The following NR2F1-AS1 variants were observed in gnomAD, a reference collection of about 807,000 sequenced individuals.
NR2F1-AS1 encodes the protein NR2F1 regulatory antisense RNA 1.
At chr5:93,507,330 TTTTTG>T (rs140764241) in intron 4 of NR2F1-AS1, among the ~76,000 whole-genome samples, 41,907 of 149,780 alleles carry the variant, frequency 0.28, 6,116 homozygotes, top group South Asian at 0.44. Context: ...TTTGGGGTTT[TTTTTG>T]TTTTGTTTTG....
chr5:93,499,976 G>A (rs2149885065), intron 4 of NR2F1-AS1, among the ~76,000 whole-genome samples: 1 of 152,274 alleles, frequency 6.6e-6, no homozygotes. Context: ...TGAAGAAGCT[G>A]CGAAAGAAAG....
At chr5:93,422,819 G>A (rs779216891) in intron 4 of NR2F1-AS1, among the ~76,000 whole-genome samples, 12 of 152,114 alleles carry the variant, frequency 7.9e-5, no homozygotes, top group Non-Finnish European at 1.8e-4. Flanking sequence ...ACATTTCAAA[G>A]GTCCTGGAAC....
chr5:93,409,378 T>C (rs1395380421), intron 4 of NR2F1-AS1: 1 of 152,232 alleles, frequency 6.6e-6, no homozygotes, highest in East Asian at 1.9e-4. Flanking sequence ...TCCAGTTTAT[T>C]TGGATACGTT....
chr5:93,445,954 T>A (rs562355088), intron 4 of NR2F1-AS1, among the ~76,000 whole-genome samples: 2 of 152,252 alleles, frequency 1.3e-5, no homozygotes, highest in African/African-American at 4.8e-5. Context: ...AAAAACCACA[T>A]GATTATCTCA....
At chr5:93,453,943 T>C (rs1039263730) in intron 4 of NR2F1-AS1, among the ~76,000 whole-genome samples, 14 of 152,206 alleles carry the variant, frequency 9.2e-5, no homozygotes, top group Non-Finnish European at 7.3e-5. Context: ...GGTAAATATG[T>C]GAGTAAAAAT....
At chr5:93,535,511 T>G (rs937565705) in intron 4 of NR2F1-AS1, among the ~76,000 whole-genome samples, 2 of 151,924 alleles carry the variant, frequency 1.3e-5, no homozygotes, top group South Asian at 4.1e-4. Context: ...AGAATAAGTC[T>G]GTAAGAAGCA....
intron 2 of NR2F1-AS1, among the ~76,000 whole-genome samples, chr5:93,559,618 C>G (rs1241821913): frequency 1.3e-5 from 2 of 152,172 alleles, no homozygotes; most frequent in African/African-American, 4.8e-5. Context: ...AGGTGTGACT[C>G]TTCCTTTCAC....
intron 4 of NR2F1-AS1, among the ~76,000 whole-genome samples, chr5:93,459,860 G>A (rs915615116): frequency 1.3e-5 from 2 of 152,066 alleles, no homozygotes; most frequent in African/African-American, 4.8e-5. Context: ...AGGTGAAAAG[G>A]GAATGTGGGA....
chr5:93,546,469 G>C (rs571037065), intron 4 of NR2F1-AS1, among the ~76,000 whole-genome samples: 1 of 152,028 alleles, frequency 6.6e-6, no homozygotes, highest in African/African-American at 2.4e-5. Flanking sequence ...GCAAGTCAGA[G>C]GGAAATGGTT....
chr5:93,478,742 C>T (rs1750539919), intron 4 of NR2F1-AS1, among the ~76,000 whole-genome samples: 4 of 152,134 alleles, frequency 2.6e-5, no homozygotes, highest in Admixed American at 2.0e-4. Context: ...ATAGGAAAAT[C>T]CTGTAGCATT....
intron 4 of NR2F1-AS1, chr5:93,544,041 G>C (rs970248217): frequency 3.3e-5 from 5 of 152,156 alleles, no homozygotes; most frequent in Admixed American, 3.3e-4. Context: ...AGCAAGAAAA[G>C]AGAAATGGGA....
intron 4 of NR2F1-AS1, among the ~76,000 whole-genome samples, chr5:93,413,509 G>T (rs1419303267): frequency 1.3e-5 from 2 of 152,114 alleles, no homozygotes; most frequent in Non-Finnish European, 2.9e-5. Flanking sequence ...ACTTCCACAT[G>T]GCCGGTGTGA....
intron 1 of NR2F1-AS1, among the ~76,000 whole-genome samples, chr5:93,572,093 C>T (rs2149928947): frequency 6.6e-6 from 1 of 152,330 alleles, no homozygotes; most frequent in East Asian, 1.9e-4. Context: ...GCAGGTAAAT[C>T]CCAATACGCC....
intron 4 of NR2F1-AS1, among the ~76,000 whole-genome samples, chr5:93,420,344 T>C (rs1749062460): frequency 6.6e-6 from 1 of 152,206 alleles, no homozygotes; most frequent in Admixed American, 6.5e-5. Context: ...CTAGCCCACT[T>C]ATTCACCCCA....
chr5:93,452,275 G>C (rs889095653), intron 4 of NR2F1-AS1, among the ~76,000 whole-genome samples: 5 of 152,158 alleles, frequency 3.3e-5, no homozygotes, highest in Non-Finnish European at 5.9e-5. Flanking sequence ...TATGAGAACT[G>C]CCTTCCAATC....
At chr5:93,527,020 T>C (rs534889624) in intron 4 of NR2F1-AS1, among the ~76,000 whole-genome samples, 6 of 152,138 alleles carry the variant, frequency 3.9e-5, no homozygotes, top group Admixed American at 3.9e-4. Context: ...GAGAAAGAAA[T>C]AAAGGGTATT....
At chr5:93,465,255 A>T (rs1750202295) in intron 4 of NR2F1-AS1, among the ~76,000 whole-genome samples, 1 of 152,248 alleles carries the variant, frequency 6.6e-6, no homozygotes, top group South Asian at 2.1e-4. Context: ...CCCATTAAAA[A>T]GTGGGCAAAG....
chr5:93,583,297 T>TC (rs1561522168), upstream of NR2F1-AS1: 25 of 142,796 alleles, frequency 1.8e-4, no homozygotes, highest in Admixed American at 8.7e-4. Context: ...CTCTCTCTCT[T>TC]CTTCTCTTCT....
chr5:93,582,320 A>G (rs569102546), upstream of NR2F1-AS1, among the ~76,000 whole-genome samples: 1 of 151,928 alleles, frequency 6.6e-6, no homozygotes, highest in Admixed American at 6.6e-5. Context: ...TGGAAAGTTT[A>G]TTTTTAAAAT....
Sources: allele counts gnomAD v4.1 joint callset (sites outside exome capture counted in the v4.1 genomes callset), GRCh38; gene constraint gnomAD v4.1.1; transcripts MANE v1.5; gene names NCBI Gene and HGNC (gene_info 2026-07-23, HGNC 2026-07-21).